MVD: variants seen among roughly 807,000 people sequenced by gnomAD.
The protein encoded by MVD is diphosphomevalonate decarboxylase.
In MVD, 52 loss-of-function variants were observed where a neutral mutation model predicts 42.4. The ratio of observed to expected loss-of-function variants is 1.23; its 90% CI spans 0.98 to 1.55. The LOEUF is 1.55. MVD is among the 40% of genes most tolerant of loss of function. The pLI, the probability that MVD is intolerant of heterozygous loss-of-function variation, is 0.00. For synonymous variants in MVD, 287 were observed against 243.2 expected (o/e 1.18, Z -1.68); for missense variants, 663 against 572.1 (o/e 1.16, Z -1.62).
chr16:88,658,773 C>T, intron 1 of MVD, 53 bp from the exon 2 acceptor site: 1 of 1,462,048 alleles, frequency 6.8e-7, no homozygotes, highest in Non-Finnish European at 9.3e-7. Context: ...CACCCTCCCC[C>T]AGTGTTCCCC....
intron 4 of MVD, 78 bp downstream of exon 4, chr16:88,657,358 C>A: frequency 6.6e-7 from 1 of 1,519,246 alleles, no homozygotes; most frequent in Non-Finnish European, 8.9e-7. Flanking sequence ...CAGCAGTGGG[C>A]TCCCTGACCC....
chr16:88,662,684 A>G, intron 1 of MVD: 3 of 1,335,956 alleles, frequency 2.2e-6, no homozygotes, highest in Non-Finnish European at 2.9e-6. Flanking sequence ...TGGAGCCACA[A>G]ACGCGCACCA....
Position 88,656,281 on chromosome 16 carries a change from C to T in MVD, c.427G>A (p.Gly143Ser), listed in dbSNP as rs771195919. 2.4e-5 allele frequency: 38 copies of T among 1,599,712 alleles called. No individual in the cohort carries two copies. Among genetic ancestry groups the T allele is most frequent in the African/African-American group, 4.0e-5 (3 of 74,924 alleles). The change falls in exon 5 of 10, where the codon GGC (glycine) becomes AGC (serine). Residue 143 changes from glycine (G) to serine (S), a missense_variant. Physicochemically the swap from Gly to Ser is moderately conservative, Grantham distance 56. Transcript: ENST00000301012. ...ACTTCTGAGAGGTCACTCTCCACGC[C>T]GTAGACACGGGCCAGGGTGTAGGCT... is the stretch of plus-strand genomic sequence containing the variant. ...CLAYTLARVY[G>S]VESDLSEVAR...
intron 8 of MVD, among the ~76,000 whole-genome samples, chr16:88,653,959 C>A (rs1907743422): frequency 6.6e-6 from 1 of 152,234 alleles, no homozygotes; most frequent in African/African-American, 2.4e-5. Flanking sequence ...GGGACAGACG[C>A]ACATCCCCAC....
chr16:88,654,808 C>G lies in MVD; in HGVS notation c.898-1G>C. The G allele has an allele frequency of 1.3e-6, 2 of 1,567,156 alleles. No homozygotes were observed. Among genetic ancestry groups the G allele is most frequent in the South Asian group, 2.3e-5 (2 of 85,112 alleles). ...GGCCCGCGTCAAAGGTGTACGCCAC[C>G]TGGAACCCACAGCAGTCACCCTGGC... On this transcript the variant is annotated splice_acceptor_variant, in intron 7 of 9. Coordinates refer to ENST00000301012, the MANE Select transcript of MVD (RefSeq NM_002461.3). LOFTEE classifies it high-confidence loss of function.
intron 7 of MVD, 106 bp from the exon 8 acceptor site, chr16:88,654,913 A>T: frequency 8.8e-7 from 1 of 1,133,254 alleles, no homozygotes. Context: ...AGCTCAGTCT[A>T]GGCCCTCAGG....
intron 1 of MVD, among the ~76,000 whole-genome samples, chr16:88,661,923 CACAT>C (rs138393874): frequency 0.06 from 7,031 of 116,684 alleles, 554 homozygotes; most frequent in African/African-American, 0.19. Flanking sequence ...CATATACACA[CACAT>C]ATATCTATAC....
rs1444671648 is a variant in MVD, at chr16:88,656,285, G to A, written c.423C>T (p.Val141=). ...YACLAYTLAR[V]YGVESDLSEV... is the part of the protein sequence containing the mutation. ...CTGAGAGGTCACTCTCCACGCCGTA[G>A]ACACGGGCCAGGGTGTAGGCTGCAG... The change falls in exon 5 of 10, where the codon GTC becomes GTT. Residue 141 remains valine, a synonymous_variant. Transcript: ENST00000301012. The A allele has an allele frequency of 1.3e-6, 2 of 1,599,646 alleles. No homozygotes were observed. The highest frequency in any genetic ancestry group is 1.7e-6 in the Non-Finnish European group (2 of 1,179,946).
intron 9 of MVD, among the ~76,000 whole-genome samples, chr16:88,653,021 G>A (rs1001706757): frequency 2.6e-5 from 4 of 152,094 alleles, no homozygotes; most frequent in Non-Finnish European, 4.4e-5. Context: ...CACCCCAGGC[G>A]CTCCCTATTC....
chr16:88,660,740 GCTCA>G (rs1335516229), intron 1 of MVD: 2 of 150,488 alleles, frequency 1.3e-5, no homozygotes, highest in Non-Finnish European at 3.0e-5. Context: ...AGACGCGGTG[GCTCA>G]CACCTGTAAT....
At chr16:88,658,989 G>A (rs1025010309) in intron 1 of MVD, 8 of 474,812 alleles carry the variant, frequency 1.7e-5, no homozygotes, top group African/African-American at 7.9e-5. Context: ...TCCAGCATCC[G>A]TGAGTGCCCA....
intron 4 of MVD, 132 bp downstream of exon 4, chr16:88,657,304 G>A (rs1907993504): frequency 8.0e-7 from 1 of 1,243,174 alleles, no homozygotes; most frequent in Non-Finnish European, 1.1e-6. Context: ...ACTCCAGAGA[G>A]GCCAGGGAGG....
intron 1 of MVD, among the ~76,000 whole-genome samples, chr16:88,661,612 C>G (rs1304606005): frequency 1.3e-5 from 2 of 152,094 alleles, no homozygotes; most frequent in Admixed American, 6.6e-5. Flanking sequence ...AGAGATTTCA[C>G]CAAGAAAACC....
intron 5 of MVD, 128 bp downstream of exon 5, chr16:88,655,977 T>G: frequency 7.6e-7 from 1 of 1,323,500 alleles, no homozygotes; most frequent in Non-Finnish European, 1.0e-6. Context: ...CTTCTGTTCC[T>G]TCAGCCCCCG....
rs1457805038 is a variant in MVD, at chr16:88,663,041, C to G, written c.40G>C (p.Ala14Pro). 1 of 1,610,196 alleles carries G rather than the reference C, an allele frequency of 6.2e-7. No individual in the cohort carries two copies. The highest frequency in any genetic ancestry group is 1.3e-5 in the African/African-American group (1 of 74,874). ...TTGATGACCGCGATGTTGACCGGCG[C>G]TGTACAAGTGACTGCCGCCAGCGGC... ...EKPLAAVTCTAPVNIAVIKYW... is the reference protein window; with the variant it reads ...EKPLAAVTCTPPVNIAVIKYW... The change falls in exon 1 of 10, where the codon GCG (alanine) becomes CCG (proline). Residue 14 changes from alanine to proline, a missense_variant. Ala to Pro is a conservative substitution (Grantham distance 27). Coordinates refer to ENST00000301012, the MANE Select transcript of MVD (RefSeq NM_002461.3).
Position 88,655,305 on chromosome 16 carries a change from T to C in MVD, c.791A>G (p.His264Arg), listed in dbSNP as rs747642589. ...CGGGAAGGTGTCGAGGCAGGTGGCG[T>C]GGAACTGGTTGCTGTCCTTCATGGT... Reference protein sequence around the residue: ...QLTMKDSNQFHATCLDTFPPI... With the variant: ...QLTMKDSNQFRATCLDTFPPI... The change falls in exon 7 of 10, where the codon CAC becomes CGC. Residue 264 changes from histidine to arginine, a missense_variant. Coordinates refer to ENST00000301012, the MANE Select transcript of MVD (RefSeq NM_002461.3). 15 of 1,595,860 alleles carry C rather than the reference T, an allele frequency of 9.4e-6. No homozygotes were observed. In the East Asian group the frequency reaches 3.2e-4, roughly 34 times the overall value.
chr16:88,657,352 A>G, intron 4 of MVD, 84 bp downstream of exon 4: 2 of 1,514,198 alleles, frequency 1.3e-6, no homozygotes, highest in Non-Finnish European at 1.8e-6. Flanking sequence ...CACGCCCAGC[A>G]GTGGGCTCCC....
chr16:88,654,884 C>T lies in MVD; in HGVS notation c.898-77G>A, dbSNP rs1400020692. ...CTCCCCAACCCTCTGGTCTGCCAGG[C>T]GGCCTTGGGCTCTCCAAGAGCTCAG... On this transcript the variant is annotated intron_variant, in intron 7 of 9. Transcript: ENST00000301012. 4.3e-5 allele frequency: 59 copies of T among 1,371,134 alleles called. 1 individual carries two copies. In the South Asian group the frequency reaches 4.9e-4, roughly 11 times the overall value. 84.9% of individuals were successfully genotyped at this position (1,371,134 alleles called of 1,614,324 possible).
At chr16:88,659,275 G>A (rs1304756257) in intron 1 of MVD, 5 of 172,348 alleles carry the variant, frequency 2.9e-5, no homozygotes, top group East Asian at 3.0e-4. Flanking sequence ...GGTTTTGTGC[G>A]AGGGGAGGTC....
Sources: gnomAD v4.1 joint callset for allele counts (sites outside exome capture counted in the v4.1 genomes callset) on GRCh38, gnomAD v4.1.1 for gene constraint, MANE v1.5 for transcripts, NCBI Gene and HGNC (gene_info 2026-07-23, HGNC 2026-07-21) for gene names.